The following EFCAB13 variants were observed in gnomAD, a reference collection of about 807,000 sequenced individuals.
EFCAB13 encodes the protein EF-hand calcium binding domain 13.
A neutral mutation model predicts 110.2 loss-of-function variants in EFCAB13; 91 were observed. The observed-to-expected ratio is 0.83, with a 90% confidence interval of 0.70 to 0.98. The LOEUF is 0.98. EFCAB13 is among the 50% of genes least tolerant of loss of function. EFCAB13 has a pLI of 0.00. For synonymous variants in EFCAB13, 323 were observed against 369.9 expected, an observed-to-expected ratio of 0.87 and a Z score of 1.45; for missense variants, 968 against 1,119.4, an observed-to-expected ratio of 0.86 and a Z score of 1.93.
chr17:47,435,145 G>A (rs1905188943), intron 24 of EFCAB13, among the ~76,000 whole-genome samples: 1 of 151,754 alleles, frequency 6.6e-6, no homozygotes, highest in African/African-American at 2.4e-5. Context: ...TCTGACAAAG[G>A]GCTAATATCA....
intron 9 of EFCAB13, among the ~76,000 whole-genome samples, chr17:47,348,900 A>C (rs577920356): frequency 5.9e-4 from 90 of 152,242 alleles, no homozygotes; most frequent in African/African-American, 2.1e-3. Context: ...AAAAGGAAAA[A>C]TTCATACTTT....
At chr17:47,377,943 A>T in intron 13 of EFCAB13, 40 bp downstream of exon 13, 1 of 1,531,364 alleles carries the variant, frequency 6.5e-7, no homozygotes, top group Non-Finnish European at 8.8e-7. Flanking sequence ...AGAAAGTTAG[A>T]TATTTTTATC....
At position 47,394,114 on chromosome 17, in the gene EFCAB13, C is replaced by A; in HGVS notation, c.1801+15C>A. ...TGAAAAATTAGGTACGTAAGAATATCATGTCTTCTGCTTTTTGTGGACCAA... is the reference window on the plus strand; with the variant it reads ...TGAAAAATTAGGTACGTAAGAATATAATGTCTTCTGCTTTTTGTGGACCAA... On this transcript the variant is annotated intron_variant, in intron 16 of 24. Coordinates refer to ENST00000331493, the MANE Select transcript of EFCAB13 (RefSeq NM_152347.5). The A allele has an allele frequency of 6.8e-7, 1 of 1,470,934 alleles. No homozygotes were observed. Among genetic ancestry groups the A allele is most frequent in the East Asian group, 2.5e-5 (1 of 40,304 alleles). The allele number at this position is 1,470,934 out of a possible 1,614,324, so 91.1% of individuals were successfully genotyped here.
intron 4 of EFCAB13, among the ~76,000 whole-genome samples, chr17:47,334,417 T>C (rs894496006): frequency 6.6e-6 from 1 of 152,238 alleles, no homozygotes; most frequent in African/African-American, 2.4e-5. Context: ...GTCCTTTCAT[T>C]GTCTTGATAT....
At chr17:47,400,412 G>A (rs2065772573) in intron 17 of EFCAB13, among the ~76,000 whole-genome samples, 1 of 152,124 alleles carries the variant, frequency 6.6e-6, no homozygotes, top group African/African-American at 2.4e-5. Context: ...CCTAATATTG[G>A]TAGTTGCTAT....
At position 47,421,025 on chromosome 17, in the gene EFCAB13, G is replaced by A. The variant is rs934902185; in HGVS notation, c.2494+6106G>A. On this transcript the variant is annotated intron_variant, in intron 23 of 24. Transcript: ENST00000331493. ...CCCCCCGTCCGGGAGGGAGGTGGGGGGGTCAGCCCCCCGCCCGGCCAGCCA... is the reference window on the plus strand; with the variant it reads ...CCCCCCGTCCGGGAGGGAGGTGGGGAGGTCAGCCCCCCGCCCGGCCAGCCA... Among the ~76,000 whole-genome samples, 23 of 150,482 alleles carry A rather than the reference G, an allele frequency of 1.5e-4. 1 individual carries two copies. The highest frequency in any genetic ancestry group is 4.2e-4 in the African/African-American group (17 of 40,836).
At chr17:47,426,621 CTT>C (rs1904969915) in intron 23 of EFCAB13, among the ~76,000 whole-genome samples, 1 of 151,990 alleles carries the variant, frequency 6.6e-6, no homozygotes, top group Admixed American at 6.6e-5. Context: ...TTATATTTAA[CTT>C]ATAAATTTTG....
intron 23 of EFCAB13, among the ~76,000 whole-genome samples, chr17:47,425,324 A>C (rs927092957): frequency 7.9e-5 from 12 of 152,332 alleles, no homozygotes; most frequent in African/African-American, 2.9e-4. Flanking sequence ...TTGATGAATC[A>C]GATTCTGATT....
intron 24 of EFCAB13, among the ~76,000 whole-genome samples, chr17:47,434,010 CTT>C (rs1217899187): frequency 1.3e-5 from 2 of 151,990 alleles, no homozygotes; most frequent in Non-Finnish European, 2.9e-5. Flanking sequence ...AATGTCAAAA[CTT>C]TGTCAAATAC....
intron 6 of EFCAB13, among the ~76,000 whole-genome samples, 185 bp from the exon 7 acceptor site, chr17:47,343,975 CAT>C (rs1366768771): frequency 3.9e-5 from 6 of 152,040 alleles, no homozygotes; most frequent in Non-Finnish European, 1.5e-5. Context: ...GAGAACATTG[CAT>C]AGTTTATTAA....
At chr17:47,393,884 T>C (rs1451056372) in intron 15 of EFCAB13, 141 bp from the exon 16 acceptor site, 3 of 400,404 alleles carry the variant, frequency 7.5e-6, no homozygotes, top group Non-Finnish European at 1.3e-5. Flanking sequence ...TTCCCCTTTA[T>C]ACCCATATAT....
chr17:47,424,799 A>G (rs113115744), intron 23 of EFCAB13, among the ~76,000 whole-genome samples: 7,551 of 151,226 alleles, frequency 0.05, 250 homozygotes, highest in East Asian at 0.11. Context: ...TCTAAAGTTA[A>G]ATTCTCATAC....
In EFCAB13 at chr17:47,361,299, G is replaced by A. The variant is rs893739112; in HGVS notation, c.662-79G>A. The A allele has an allele frequency of 3.0e-6, 4 of 1,339,186 alleles. No homozygotes were observed. The South Asian group carries it at 3.8e-5, about 13-fold the overall frequency. 83.0% of individuals were successfully genotyped at this position (1,339,186 alleles called of 1,614,324 possible). On this transcript the variant is annotated intron_variant, in intron 9 of 24. Coordinates refer to ENST00000331493, the MANE Select transcript of EFCAB13 (RefSeq NM_152347.5). ...GCTTATACAAAGTTATTTTCCCTTA[G>A]TAGGCTATTGACACAAAATCAACTG...
chr17:47,373,726 T>G (rs1420091680), intron 11 of EFCAB13, among the ~76,000 whole-genome samples: 1 of 152,210 alleles, frequency 6.6e-6, no homozygotes, highest in East Asian at 1.9e-4. Flanking sequence ...CAGACTTTAA[T>G]ATTAAAATAT....
At chr17:47,384,669 C>T (rs913224066) in intron 14 of EFCAB13, among the ~76,000 whole-genome samples, 5 of 152,008 alleles carry the variant, frequency 3.3e-5, no homozygotes, top group South Asian at 2.1e-4. Context: ...AATATTGGCC[C>T]CCACTCTCTT....
At chr17:47,435,370 T>A (rs1483465152) in intron 24 of EFCAB13, among the ~76,000 whole-genome samples, 2 of 151,852 alleles carry the variant, frequency 1.3e-5, no homozygotes, top group Non-Finnish European at 2.9e-5. Context: ...ATAATTAAAT[T>A]GATGTCGGCA....
chr17:47,342,302 C>T (rs2065390043), intron 6 of EFCAB13, among the ~76,000 whole-genome samples: 1 of 152,014 alleles, frequency 6.6e-6, no homozygotes, highest in South Asian at 2.1e-4. Context: ...TCTCTGCTAA[C>T]ATTTTTGCTT....
chr17:47,434,280 C>A (rs967187177), intron 24 of EFCAB13, among the ~76,000 whole-genome samples: 3 of 151,430 alleles, frequency 2.0e-5, no homozygotes, highest in South Asian at 2.1e-4. Flanking sequence ...AGCTGAGAAT[C>A]GAATCAAGAA....
chr17:47,423,381 T>G, intron 23 of EFCAB13: 1 of 157,544 alleles, frequency 6.3e-6, no homozygotes, highest in Non-Finnish European at 1.4e-5. Flanking sequence ...TTCTGAGGGT[T>G]TGAGATTGTT....
Sources: allele counts gnomAD v4.1 joint callset (sites outside exome capture counted in the v4.1 genomes callset), GRCh38; gene constraint gnomAD v4.1.1; transcripts MANE v1.5; gene names NCBI Gene and HGNC (gene_info 2026-07-23, HGNC 2026-07-21).